MYOCD: variants seen among roughly 807,000 people sequenced by gnomAD.
MYOCD encodes myocardin.
In MYOCD, 32 loss-of-function variants were observed where a neutral mutation model predicts 96.1. That is an observed-to-expected ratio of 0.33 (90% CI 0.25 to 0.45). The LOEUF is 0.45. MYOCD is among the 20% of genes least tolerant of loss of function. MYOCD has a pLI of 1.00. For missense variants in MYOCD, 1,133 were observed against 1,200.6 expected, an observed-to-expected ratio of 0.94 and a Z score of 0.83; for synonymous variants, 469 against 469.0, an observed-to-expected ratio of 1.00 and a Z score of 0.00.
rs576498166 is a variant in MYOCD, at chr17:12,700,196, A to G, written c.56-4932A>G. ...AATGCTGGGATTACAGGCGTGAGCC[A>G]CCACAACCAGTCAATAAGCATATAT... On this transcript the variant is annotated intron_variant, in intron 1 of 13. Coordinates refer to ENST00000425538, the MANE Select transcript of MYOCD (RefSeq NM_001146312.3). Among the ~76,000 whole-genome samples, 754 of 152,088 alleles carry G rather than the reference A, an allele frequency of 5.0e-3. 7 individuals carry two copies. The highest frequency in any genetic ancestry group is 0.017 in the African/African-American group (707 of 41,498).
In MYOCD at chr17:12,763,279, G is replaced by A. The variant is rs374937167; in HGVS notation, c.2596G>A (p.Gly866Arg). 2.9e-5 allele frequency: 46 copies of A among 1,613,206 alleles called. No homozygotes were observed. Among genetic ancestry groups the A allele is most frequent in the Non-Finnish European group, 3.6e-5 (43 of 1,179,710 alleles). Residue 866 changes from glycine to arginine, a missense_variant, in exon 14 of 14, where the codon GGA becomes AGA. Coordinates refer to ENST00000425538, the MANE Select transcript of MYOCD (RefSeq NM_001146312.3). ...EVLLNSQSPL[G>R]KMSDVTLLKI... ...CTTATTAAATTCCCAGAGCCCCCTA[G>A]GAAAGATGAGTGATGTCACCCTTCT... is the stretch of plus-strand genomic sequence containing the variant.
chr17:12,746,454 CTT>C (rs2032666171), intron 9 of MYOCD, among the ~76,000 whole-genome samples: 1 of 152,070 alleles, frequency 6.6e-6, no homozygotes, highest in Non-Finnish European at 1.5e-5. Context: ...AAAAGACAAA[CTT>C]TATGTTTATT....
chr17:12,747,821 T>C (rs1597804181), intron 9 of MYOCD, among the ~76,000 whole-genome samples: 1 of 152,080 alleles, frequency 6.6e-6, no homozygotes, highest in African/African-American at 2.4e-5. Flanking sequence ...TTTGAAAAGT[T>C]CATGGTTATA....
At chr17:12,745,795 G>A (rs943035515) in intron 8 of MYOCD, 124 bp from the exon 9 acceptor site, 1 of 966,640 alleles carries the variant, frequency 1.0e-6, no homozygotes, top group Non-Finnish European at 1.6e-6. Context: ...CCTCACCCTG[G>A]TCTCTTCTGC....
At chr17:12,694,472 G>A (rs2030639509) in intron 1 of MYOCD, among the ~76,000 whole-genome samples, 1 of 152,164 alleles carries the variant, frequency 6.6e-6, no homozygotes, top group African/African-American at 2.4e-5. Context: ...AAGCCACCCA[G>A]GGACGAATTC....
In MYOCD at chr17:12,719,698, CAAA is replaced by C. The variant is rs57311284; in HGVS notation, c.253+2294_253+2296del. Among the ~76,000 whole-genome samples the C allele has an allele frequency of 4.4e-4, 47 of 106,294 alleles. 1 individual carries two copies. The highest frequency in any genetic ancestry group is 1.6e-3 in the African/African-American group (43 of 26,458). The allele number at this position is 106,294 out of a possible 152,430, so 69.7% of individuals were successfully genotyped here. A position where few individuals can be genotyped will look rare whatever the true frequency, so the allele number is the denominator to read the frequency against. On this transcript the variant is annotated intron_variant, in intron 4 of 13. Coordinates refer to ENST00000425538, the MANE Select transcript of MYOCD (RefSeq NM_001146312.3). ...TGAAACCCCGTCTGTACTAAAAATA[CAAA>C]AAAAAAAAAAAAAAAATTAGCCGGG...
At chr17:12,676,245 GCACACACACACACACACACA>G (rs36211306) in intron 1 of MYOCD, among the ~76,000 whole-genome samples, 18 of 145,676 alleles carry the variant, frequency 1.2e-4, no homozygotes, top group South Asian at 8.9e-4. Context: ...GCGCGCGCAC[GCACACACACACACACACACA>G]CACACACACA....
At chr17:12,709,707 T>C (rs1347222339) in intron 2 of MYOCD, among the ~76,000 whole-genome samples, 1 of 152,182 alleles carries the variant, frequency 6.6e-6, no homozygotes, top group African/African-American at 2.4e-5. Context: ...TAGGAAATGG[T>C]TTCACTATCC....
At chr17:12,745,456 G>A (rs962728967) in intron 8 of MYOCD, among the ~76,000 whole-genome samples, 7 of 152,166 alleles carry the variant, frequency 4.6e-5, no homozygotes, top group Admixed American at 1.3e-4. Flanking sequence ...TGATCCACCC[G>A]CCTCGGCCTC....
intron 1 of MYOCD, among the ~76,000 whole-genome samples, chr17:12,679,055 C>T (rs1487333804): frequency 1.3e-5 from 2 of 152,082 alleles, no homozygotes; most frequent in Non-Finnish European, 2.9e-5. Flanking sequence ...CTAGAACTCT[C>T]GTCTCGGGGC....
chr17:12,694,372 G>C (rs28730818), intron 1 of MYOCD, among the ~76,000 whole-genome samples: 10,219 of 152,202 alleles, frequency 0.067, 538 homozygotes, highest in Admixed American at 0.14. Flanking sequence ...TGTCAGGACT[G>C]TCCTATCTGC....
intron 1 of MYOCD, among the ~76,000 whole-genome samples, chr17:12,694,564 T>C (rs2030644467): frequency 6.6e-6 from 1 of 152,070 alleles, no homozygotes; most frequent in South Asian, 2.1e-4. Context: ...GGCCTCCAGC[T>C]TCAGAGGAGA....
At chr17:12,743,776 G>A (rs1402416903) in intron 7 of MYOCD, among the ~76,000 whole-genome samples, 2 of 152,226 alleles carry the variant, frequency 1.3e-5, no homozygotes, top group Middle Eastern at 3.4e-3. Context: ...TGGCATTACA[G>A]GTGTGAGCCA....
At chr17:12,705,697 A>G (rs543577620) in intron 2 of MYOCD, 1 of 152,396 alleles carries the variant, frequency 6.6e-6, no homozygotes, top group South Asian at 2.1e-4. Flanking sequence ...AAGAAGAAGG[A>G]TTATTGTATC....
Position 12,753,302 on chromosome 17 carries a change from C to T in MYOCD, c.2014C>T (p.His672Tyr), listed in dbSNP as rs755264953. The change falls in exon 10 of 14, where the codon CAC becomes TAC. Residue 672 changes from histidine to tyrosine, a missense_variant. Transcript: ENST00000425538. ...PSSSGAQGEG[H>Y]RVSSPISSQV... is the part of the protein sequence containing the mutation. ...ATCCTCCGGGGCCCAGGGAGAAGGG[C>T]ACAGGGTCTCCTCGCCCATCAGCAG... 25 of 1,611,018 alleles carry T rather than the reference C, an allele frequency of 1.6e-5. No individual in the cohort carries two copies. The Middle Eastern group carries it at 4.9e-4, about 32-fold the overall frequency.
chr17:12,666,073 G>A lies in MYOCD; in HGVS notation c.-116G>A. 1 of 734,530 alleles carries A rather than the reference G, an allele frequency of 1.4e-6. No homozygotes were observed. The highest frequency in any genetic ancestry group is 2.4e-6 in the Non-Finnish European group (1 of 417,638). The allele number at this position is 734,530 out of a possible 1,614,324, so 45.5% of individuals were successfully genotyped here. On this transcript the variant is annotated 5_prime_UTR_variant, in exon 1 of 14. Transcript: ENST00000425538. ...GTACTCCTACCCAGGGGAGCTCACG[G>A]AGAGTTGGATGAATTCTGGGTTGTT...
intron 4 of MYOCD, among the ~76,000 whole-genome samples, chr17:12,719,092 T>C (rs917728011): frequency 1.4e-5 from 2 of 145,956 alleles, no homozygotes; most frequent in African/African-American, 5.1e-5. Context: ...GGAGAATTGC[T>C]TGAACCTGGG....
At chr17:12,683,279 A>G (rs10491100) in intron 1 of MYOCD, among the ~76,000 whole-genome samples, 1,955 of 152,304 alleles carry the variant, frequency 0.013, 84 homozygotes, top group East Asian at 0.086. Context: ...AAGAGAGACA[A>G]AAACCATGCG....
At chr17:12,741,215 A>G (rs973542289) in intron 7 of MYOCD, among the ~76,000 whole-genome samples, 3 of 152,222 alleles carry the variant, frequency 2.0e-5, no homozygotes, top group Non-Finnish European at 2.9e-5. Context: ...CAGTTTGCCA[A>G]TAAGGCTCCC....
Sources: allele counts gnomAD v4.1 joint callset (sites outside exome capture counted in the v4.1 genomes callset), GRCh38; gene constraint gnomAD v4.1.1; transcripts MANE v1.5; gene names NCBI Gene and HGNC (gene_info 2026-07-23, HGNC 2026-07-21).